Variants in ZRANB2 observed in about 807,000 individuals in gnomAD.
ZRANB2 encodes zinc finger RANBP2-type containing 2.
ZRANB2 carries 19 observed loss-of-function variants against 53.4 expected under a neutral mutation model. The ratio of observed to expected loss-of-function variants is 0.36; its 90% CI spans 0.25 to 0.52. The LOEUF (loss-of-function observed/expected upper bound fraction) is 0.52. Among genes scored for constraint, ZRANB2 ranks in the 20% least tolerant of loss-of-function variants. The pLI, the probability that ZRANB2 is intolerant of heterozygous loss-of-function variation, is 0.93. For synonymous variants in ZRANB2, 145 were observed against 134.8 expected (o/e 1.08, Z -0.52); for missense variants, 309 against 401.1 (o/e 0.77, Z 1.96).
chr1:71,075,571 T>C (rs557285622), intron 4 of ZRANB2, among the ~76,000 whole-genome samples: 9 of 151,282 alleles, frequency 5.9e-5, no homozygotes, highest in South Asian at 4.2e-4. Flanking sequence ...ACCATGAAAA[T>C]AGAGGAAAGA....
chr1:71,073,008 C>A (rs952350332), intron 4 of ZRANB2, among the ~76,000 whole-genome samples: 2 of 152,050 alleles, frequency 1.3e-5, no homozygotes, highest in African/African-American at 4.8e-5. Context: ...CTTATTAGAG[C>A]TTGGAAAATT....
rs762651403 is a variant in ZRANB2, at chr1:71,066,954, A to C, written c.771-20T>G. On this transcript the variant is annotated intron_variant, in intron 8 of 9. Coordinates refer to ENST00000370920, the MANE Select transcript of ZRANB2 (RefSeq NM_203350.3). ...CTGGATCTTCATTGATTGAGAAACAAATCAAACATTTCATTAAAAGAAGAA... is the reference window on the plus strand; with the variant it reads ...CTGGATCTTCATTGATTGAGAAACACATCAAACATTTCATTAAAAGAAGAA... The C allele has an allele frequency of 6.5e-7, 1 of 1,542,066 alleles. No homozygotes were observed. The highest frequency in any genetic ancestry group is 8.7e-7 in the Non-Finnish European group (1 of 1,145,972).
Position 71,072,198 on chromosome 1 carries a change from T to C in ZRANB2, c.436A>G (p.Lys146Glu). Residue 146 changes from lysine (K) to glutamate (E), a missense_variant, in exon 6 of 10, where the codon AAG becomes GAG. By Grantham distance (56) the Lys-to-Glu change is moderately conservative. Around this residue, in one of 3 missense-constraint regions of ZRANB2, gnomAD observed 74 missense variants for 180.1 expected, o/e 0.41. Transcript: ENST00000370920. ...GKAVGPASIL[K>E]EVEDKESEGE... ...TCTGATTCTTTATCTTCAACTTCCT[T>C]TAATATAGATGCAGGACCAACTGCT... The C allele has an allele frequency of 6.2e-7, 1 of 1,612,446 alleles. No homozygotes were observed. The highest frequency in any genetic ancestry group is 8.5e-7 in the Non-Finnish European group (1 of 1,179,272).
chr1:71,069,482 G>T lies in ZRANB2; in HGVS notation c.684-120C>A. On this transcript the variant is annotated intron_variant, in intron 7 of 9. Transcript: ENST00000370920. ...TTCATATAAAAAGATAACTATACAA[G>T]ATATATACTTTCAAAACATAGTATT... 1.1e-5 allele frequency: 6 copies of T among 563,322 alleles called. No individual in the cohort carries two copies. In the South Asian group the frequency reaches 1.2e-4, roughly 11 times the overall value. The allele number at this position is 563,322 out of a possible 1,614,324, so 34.9% of individuals were successfully genotyped here. A position where few individuals can be genotyped will look rare whatever the true frequency, so the allele number is the denominator to read the frequency against.
At chr1:71,071,101 G>A (rs1661585597) in intron 6 of ZRANB2, 105 bp from the exon 7 acceptor site, 1 of 896,950 alleles carries the variant, frequency 1.1e-6, no homozygotes, top group South Asian at 3.1e-5. Context: ...ATATATCACA[G>A]GTATCTCAGC....
In ZRANB2 at chr1:71,063,617, T is replaced by C. The variant is rs1661354386; in HGVS notation, c.*1457A>G. The C allele has an allele frequency of 6.6e-6, 1 of 152,430 alleles. No homozygotes were observed. The highest frequency in any genetic ancestry group is 2.1e-4 in the South Asian group (1 of 4,836). 9.4% of individuals were successfully genotyped at this position (152,430 alleles called of 1,614,324 possible). A position where few individuals can be genotyped will look rare whatever the true frequency, so the allele number is the denominator to read the frequency against. The stretch of plus-strand genomic sequence containing the variant: ...AGGCACAATTACAAGTGAGTAAAAG[T>C]TCTTGTGCAACCTACATAAACGCAG... On this transcript the variant is annotated 3_prime_UTR_variant, in exon 10 of 10. Transcript: ENST00000370920.
chr1:71,067,940 A>G (rs988659957), intron 8 of ZRANB2, among the ~76,000 whole-genome samples: 1 of 150,234 alleles, frequency 6.7e-6, no homozygotes, highest in African/African-American at 2.5e-5. Context: ...GCAGTAGCAT[A>G]AGCATGGCTC....
In ZRANB2 at chr1:71,066,843, T is replaced by C. The variant is rs1452622501; in HGVS notation, c.862A>G (p.Ser288Gly). 1.9e-6 allele frequency: 3 copies of C among 1,612,570 alleles called. No individual in the cohort carries two copies. Among genetic ancestry groups the C allele is most frequent in the East Asian group, 2.2e-5 (1 of 44,856 alleles). Residue 288 changes from serine to glycine, a missense_variant, in exon 9 of 10, where the codon AGT (serine) becomes GGT (glycine). By Grantham distance (56) the Ser-to-Gly change is moderately conservative. Coordinates refer to ENST00000370920, the MANE Select transcript of ZRANB2 (RefSeq NM_203350.3). ...CCAGATGAAGAAGATCTAGAACGAC[T>C]TCTCTTTCTGTTCCTCTCAGGAGAA... ...SSSPERNRKRSRSRSSSSGDR... is the reference protein window; with the variant it reads ...SSSPERNRKRGRSRSSSSGDR...
chr1:71,079,802 C>G (rs992637997), intron 1 of ZRANB2, among the ~76,000 whole-genome samples: 1 of 152,058 alleles, frequency 6.6e-6, no homozygotes, highest in Non-Finnish European at 1.5e-5. Context: ...ATCTTTTGAA[C>G]GTTTTCAATA....
Position 71,078,447 on chromosome 1 carries a change from A to G in ZRANB2, c.218+10T>C. ...GGAAGAAAGAGCAGACAATAATTTAAAAAACATACGTTTTACATTGCCAGT... is the reference window on the plus strand; with the variant it reads ...GGAAGAAAGAGCAGACAATAATTTAGAAAACATACGTTTTACATTGCCAGT... On this transcript the variant is annotated intron_variant, in intron 3 of 9. Coordinates refer to ENST00000370920, the MANE Select transcript of ZRANB2 (RefSeq NM_203350.3). 6.2e-7 allele frequency: 1 copy of G among 1,608,058 alleles called. No homozygotes were observed. Among genetic ancestry groups the G allele is most frequent in the Non-Finnish European group, 8.5e-7 (1 of 1,175,998 alleles).
intron 8 of ZRANB2, 84 bp downstream of exon 8, chr1:71,069,192 A>G (rs970167864): frequency 8.7e-7 from 1 of 1,149,412 alleles, no homozygotes; most frequent in Non-Finnish European, 1.2e-6. Context: ...TAGAAGCAAA[A>G]TAAGGGGAAA....
intron 4 of ZRANB2, 55 bp from the exon 5 acceptor site, chr1:71,072,603 C>T (rs1001368086): frequency 1.5e-6 from 2 of 1,335,168 alleles, no homozygotes; most frequent in Admixed American, 2.0e-5. Flanking sequence ...AAATAATAAA[C>T]ACATCATGCC....
intron 8 of ZRANB2, among the ~76,000 whole-genome samples, chr1:71,068,212 C>G (rs563217302): frequency 6.6e-6 from 1 of 152,234 alleles, no homozygotes; most frequent in East Asian, 1.9e-4. Context: ...GCACAACATT[C>G]TTTTCTCCTT....
At chr1:71,069,209 A>C (rs1296783684) in intron 8 of ZRANB2, 67 bp downstream of exon 8, 4 of 1,309,346 alleles carry the variant, frequency 3.1e-6, no homozygotes, top group Non-Finnish European at 3.2e-6. Flanking sequence ...GAAAAAAAGC[A>C]GCAACACCTT....
chr1:71,074,051 C>T (rs1253307702), intron 4 of ZRANB2, among the ~76,000 whole-genome samples: 1 of 152,120 alleles, frequency 6.6e-6, no homozygotes, highest in East Asian at 1.9e-4. Context: ...ACTCTTGCCG[C>T]CACCTCTCCT....
At chr1:71,071,105 T>A (rs1409545608) in intron 6 of ZRANB2, 109 bp from the exon 7 acceptor site, 7 of 870,448 alleles carry the variant, frequency 8.0e-6, no homozygotes, top group Middle Eastern at 3.9e-4. Flanking sequence ...ATCACAGGTA[T>A]CTCAGCAAAT....
intron 9 of ZRANB2, chr1:71,065,931 T>A: frequency 1.2e-6 from 1 of 858,938 alleles, no homozygotes; most frequent in Non-Finnish European, 1.7e-6. Flanking sequence ...GTGTGAAATC[T>A]TAACATCTAA....
At chr1:71,075,633 G>A (rs1040815635) in intron 4 of ZRANB2, among the ~76,000 whole-genome samples, 2 of 151,932 alleles carry the variant, frequency 1.3e-5, no homozygotes, top group Non-Finnish European at 2.9e-5. Flanking sequence ...GCCAAAAGAA[G>A]AGAAACCTGC....
chr1:71,071,887 TC>T (rs1661602222), intron 6 of ZRANB2, among the ~76,000 whole-genome samples: 1 of 152,160 alleles, frequency 6.6e-6, no homozygotes, highest in Non-Finnish European at 1.5e-5. Context: ...ATATATTTCC[TC>T]CTCTAGAACT....
Sources: gnomAD v4.1 joint callset for allele counts (sites outside exome capture counted in the v4.1 genomes callset) on GRCh38, gnomAD v4.1.1 for gene constraint, gnomAD v4.1.1 regional missense constraint, MANE v1.5 for transcripts, NCBI Gene and HGNC (gene_info 2026-07-23, HGNC 2026-07-21) for gene names.